Variants in SLC2A12 observed in about 807,000 individuals in gnomAD.
The protein encoded by SLC2A12 is solute carrier family 2 member 12.
A neutral mutation model predicts 41.8 loss-of-function variants in SLC2A12; 23 were observed. The ratio of observed to expected loss-of-function variants is 0.55; its 90% confidence interval spans 0.40 to 0.78. The LOEUF (loss-of-function observed/expected upper bound fraction) is 0.78, where lower values mean the gene tolerates loss of function less well. Ranked by LOEUF, SLC2A12 falls within the 30% of genes least tolerant of loss-of-function variation. SLC2A12 has a pLI of 0.00. For synonymous variants in SLC2A12, 295 were observed against 285.9 expected (o/e 1.03, Z -0.32); for missense variants, 654 against 745.6 (o/e 0.88, Z 1.43).
In SLC2A12 at chr6:133,991,145, G is replaced by GT; in HGVS notation, c.*9dup. 1 of 1,609,754 alleles carries GT rather than the reference G, an allele frequency of 6.2e-7. No individual in the cohort carries two copies. Among genetic ancestry groups the GT allele is most frequent in the East Asian group, 2.2e-5 (1 of 44,852 alleles). On this transcript the variant is annotated 3_prime_UTR_variant, in exon 5 of 5. Coordinates refer to ENST00000275230, the MANE Select transcript of SLC2A12 (RefSeq NM_145176.3). Reference sequence around the variant, plus strand: ...CTGGCACTATCCACGTTCAGAAGGTGTTGAGGCCATTAGGTCTCTGGAGAA... The same window carrying GT: ...CTGGCACTATCCACGTTCAGAAGGTGTTTGAGGCCATTAGGTCTCTGGAGAA...
chr6:134,006,176 G>GAAAAAAAAA (rs1182572567), intron 3 of SLC2A12, among the ~76,000 whole-genome samples: 59 of 61,750 alleles, frequency 9.6e-4, no homozygotes, highest in Non-Finnish European at 1.5e-3. Flanking sequence ...GAGACTATCG[G>GAAAAAAAAA]AAAAAAAAAA....
At chr6:134,040,946 C>T (rs1336622840) in intron 1 of SLC2A12, among the ~76,000 whole-genome samples, 5 of 152,190 alleles carry the variant, frequency 3.3e-5, no homozygotes, top group African/African-American at 1.2e-4. Context: ...TTAGAAACTC[C>T]TCTCAGGTCT....
chr6:134,019,749 C>A (rs953460906), intron 2 of SLC2A12, among the ~76,000 whole-genome samples: 8 of 152,168 alleles, frequency 5.3e-5, no homozygotes, highest in Non-Finnish European at 1.0e-4. Flanking sequence ...ATGTTGGGCG[C>A]AATGGCTCAT....
intron 4 of SLC2A12, among the ~76,000 whole-genome samples, chr6:133,995,943 A>G (rs9493791): frequency 0.063 from 9,582 of 152,232 alleles, 748 homozygotes; most frequent in African/African-American, 0.18. Context: ...TTACTCCCCT[A>G]TCTTCCAAGG....
At chr6:134,020,787 T>C (rs1435934500) in intron 2 of SLC2A12, among the ~76,000 whole-genome samples, 1 of 152,168 alleles carries the variant, frequency 6.6e-6, no homozygotes, top group Non-Finnish European at 1.5e-5. Flanking sequence ...CAGTTGTAAA[T>C]TGGACAGTCC....
chr6:134,026,710 C>T (rs549445710), intron 2 of SLC2A12, among the ~76,000 whole-genome samples: 8 of 152,180 alleles, frequency 5.3e-5, no homozygotes, highest in Non-Finnish European at 1.0e-4. Context: ...AATGTTTACT[C>T]TATCTGCCCA....
At chr6:134,045,445 A>G (rs1393622608) in intron 1 of SLC2A12, among the ~76,000 whole-genome samples, 1 of 152,224 alleles carries the variant, frequency 6.6e-6, no homozygotes, top group African/African-American at 2.4e-5. Context: ...CCTGGGCTTG[A>G]AGGTGAAGAA....
intron 3 of SLC2A12, among the ~76,000 whole-genome samples, chr6:134,002,415 A>C (rs969044938): frequency 3.3e-5 from 5 of 152,150 alleles, no homozygotes; most frequent in African/African-American, 4.8e-5. Flanking sequence ...CAAAATGGCA[A>C]TGTGTCTTTA....
intron 1 of SLC2A12, among the ~76,000 whole-genome samples, chr6:134,040,066 T>C (rs933692891): frequency 6.8e-6 from 1 of 146,998 alleles, no homozygotes. Context: ...TTGTTTTTTT[T>C]TTTTTGTTTT....
Position 134,003,757 on chromosome 6 carries a change from T to C in SLC2A12, c.1568-1628A>G, listed in dbSNP as rs190985588. On this transcript the variant is annotated intron_variant, in intron 3 of 4. Transcript: ENST00000275230. Reference sequence around the variant, plus strand: ...CAGCGAACACACTGCAATTTTTAAATGGCCCTCTCGAGATGTTTTACTCAG... The same window carrying C: ...CAGCGAACACACTGCAATTTTTAAACGGCCCTCTCGAGATGTTTTACTCAG... Among the ~76,000 whole-genome samples the C allele has an allele frequency of 8.9e-3, 1,350 of 152,344 alleles. 8 individuals carry two copies. Among genetic ancestry groups the C allele is most frequent in the Non-Finnish European group, 0.014 (970 of 68,030 alleles).
intron 1 of SLC2A12, 68 bp from the exon 2 acceptor site, chr6:134,029,789 C>A: frequency 6.6e-7 from 1 of 1,511,914 alleles, no homozygotes; most frequent in Non-Finnish European, 8.8e-7. Context: ...TGTATTTGAG[C>A]GGAGATTTAA....
At chr6:134,046,572 G>A (rs1206520522) in intron 1 of SLC2A12, among the ~76,000 whole-genome samples, 1 of 152,080 alleles carries the variant, frequency 6.6e-6, no homozygotes, top group Admixed American at 6.6e-5. Flanking sequence ...AGGCTGAGGC[G>A]GGTGAATTGC....
chr6:134,030,022 A>G (rs957671828), intron 1 of SLC2A12, among the ~76,000 whole-genome samples: 2 of 152,200 alleles, frequency 1.3e-5, no homozygotes, highest in African/African-American at 4.8e-5. Context: ...CAGATGACAC[A>G]TGATGAAGAC....
intron 2 of SLC2A12, among the ~76,000 whole-genome samples, chr6:134,012,694 G>A (rs539652068): frequency 1.3e-3 from 131 of 102,490 alleles, no homozygotes; most frequent in African/African-American, 4.2e-3. Context: ...ACAGGCCAGC[G>A]CAGTGGCCCA....
intron 2 of SLC2A12, among the ~76,000 whole-genome samples, chr6:134,019,813 G>T (rs2114457971): frequency 6.6e-6 from 1 of 152,278 alleles, no homozygotes; most frequent in Non-Finnish European, 1.5e-5. Flanking sequence ...CTTGAGGTCA[G>T]GTGTTCAAGA....
chr6:134,041,330 G>A (rs1443334939), intron 1 of SLC2A12, among the ~76,000 whole-genome samples: 1 of 152,102 alleles, frequency 6.6e-6, no homozygotes, highest in East Asian at 1.9e-4. Context: ...GATACAGAAA[G>A]AGAAATGACA....
At chr6:134,006,982 C>T (rs773960021) in intron 2 of SLC2A12, 48 bp from the exon 3 acceptor site, 3 of 1,608,772 alleles carry the variant, frequency 1.9e-6, no homozygotes, top group South Asian at 2.2e-5. Flanking sequence ...TTAGCAAAAA[C>T]CCATTGAATC....
rs1282346728 is a variant in SLC2A12, at chr6:134,005,588, A to T, written c.1567+1224T>A. On this transcript the variant is annotated intron_variant, in intron 3 of 4. Coordinates refer to ENST00000275230, the MANE Select transcript of SLC2A12 (RefSeq NM_145176.3). ...GGCAAGAGAATCACTTGAACCTGGG[A>T]GATGGAGGTTGTGGTGAGCCGAGAT... 8.9e-5 allele frequency among the ~76,000 whole-genome samples: 12 copies of T among 134,364 alleles called. No individual in the cohort carries two copies. In the Admixed American group the frequency reaches 9.7e-4, roughly 11 times the overall value. 88.1% of individuals were successfully genotyped at this position (134,364 alleles called of 152,430 possible).
At chr6:133,995,531 CAT>C (rs1322974572) in intron 4 of SLC2A12, among the ~76,000 whole-genome samples, 1 of 152,148 alleles carries the variant, frequency 6.6e-6, no homozygotes, top group East Asian at 1.9e-4. Context: ...TGATCTGGAA[CAT>C]GTGTCTAGGA....
Sources: allele counts gnomAD v4.1 joint callset (sites outside exome capture counted in the v4.1 genomes callset), GRCh38; gene constraint gnomAD v4.1.1; transcripts MANE v1.5; gene names NCBI Gene and HGNC (gene_info 2026-07-23, HGNC 2026-07-21).